SNX1: variants seen among roughly 807,000 people sequenced by gnomAD.
The protein encoded by SNX1 is sorting nexin 1, also known as sorting nexin-1.
A neutral mutation model predicts 71.8 loss-of-function variants in SNX1; 36 were observed. That is an observed-to-expected ratio of 0.50 (90% CI 0.38 to 0.66). The LOEUF is 0.66. SNX1 is among the 30% of genes least tolerant of loss of function. The pLI, the probability that SNX1 is intolerant of heterozygous loss-of-function variation, is 0.00. For synonymous variants in SNX1, 254 were observed against 240.7 expected (o/e 1.06, Z -0.51); for missense variants, 612 against 646.7 (o/e 0.95, Z 0.58).
At chr15:64,109,444 C>T (rs545523307) in intron 1 of SNX1, among the ~76,000 whole-genome samples, 1 of 152,254 alleles carries the variant, frequency 6.6e-6, no homozygotes, top group African/African-American at 2.4e-5. Context: ...TTCAAATGAC[C>T]AGCAAATGAA....
At chr15:64,126,246 T>C (rs754961262) in intron 6 of SNX1, 26 bp downstream of exon 6, 2 of 1,605,194 alleles carry the variant, frequency 1.2e-6, no homozygotes. Context: ...TTCATTCCAC[T>C]TGGATTGTTT....
chr15:64,104,809 C>T (rs529371380), intron 1 of SNX1, among the ~76,000 whole-genome samples: 2 of 151,246 alleles, frequency 1.3e-5, no homozygotes, highest in South Asian at 2.1e-4. Context: ...CACTTGAACC[C>T]GGGAGGCAGA....
intron 4 of SNX1, among the ~76,000 whole-genome samples, 155 bp downstream of exon 4, chr15:64,119,009 T>TTTTTTTTTTTTTTTTG (rs2081163273): frequency 6.6e-6 from 1 of 151,946 alleles, no homozygotes; most frequent in African/African-American, 2.4e-5. Context: ...GCTATGTTTC[T>TTTTTTTTTTTTTTTTG]AAGGCCAGAG....
chr15:64,103,594 G>C (rs1161985931), intron 1 of SNX1, among the ~76,000 whole-genome samples: 4 of 152,132 alleles, frequency 2.6e-5, no homozygotes, highest in Non-Finnish European at 2.9e-5. Flanking sequence ...CTATAAAACT[G>C]TTCAGGCTTG....
intron 10 of SNX1, 53 bp downstream of exon 10, chr15:64,130,374 A>C: frequency 2.9e-6 from 4 of 1,388,890 alleles, no homozygotes; most frequent in South Asian, 1.2e-5. Flanking sequence ...GTCTCTAGTG[A>C]ACTGGAGATG....
chr15:64,136,834 T>TG (rs765350705), intron 13 of SNX1, 27 bp from the exon 14 acceptor site: 2 of 1,585,902 alleles, frequency 1.3e-6, no homozygotes, highest in East Asian at 4.5e-5. Context: ...AAAAACTGGA[T>TG]GGTCAGTGTA....
chr15:64,126,424 G>A (rs1169158185), intron 6 of SNX1, among the ~76,000 whole-genome samples: 1 of 152,146 alleles, frequency 6.6e-6, no homozygotes, highest in Non-Finnish European at 1.5e-5. Flanking sequence ...GGAGCTCTGG[G>A]TTTAGCCTCC....
intron 7 of SNX1, 81 bp downstream of exon 7, chr15:64,127,333 C>A: frequency 9.3e-7 from 1 of 1,070,606 alleles, no homozygotes; most frequent in South Asian, 1.4e-5. Context: ...ACGAGACAGT[C>A]CATTGAGTTA....
At chr15:64,135,970 C>T (rs995232509) in intron 12 of SNX1, among the ~76,000 whole-genome samples, 6 of 152,046 alleles carry the variant, frequency 3.9e-5, no homozygotes, top group Non-Finnish European at 2.9e-5. Context: ...CTTTGAAAAG[C>T]TACCTAGCTG....
chr15:64,134,382 G>T lies in SNX1; in HGVS notation c.1222-282G>T. On this transcript the variant is annotated intron_variant, in intron 11 of 14. Coordinates refer to ENST00000559844, the MANE Select transcript of SNX1 (RefSeq NM_003099.5). This position sits in a 1 kb window ranked among gnomAD's most constrained non-coding sequence, Gnocchi z 4.1. ...GAGGGAGGCACTTCTGTAAGCCATA[G>T]TATTGGTCACTGGCATGAGGCCACC... The T allele has an allele frequency of 2.4e-6, 1 of 417,540 alleles. No homozygotes were observed. The highest frequency in any genetic ancestry group is 4.4e-6 in the Non-Finnish European group (1 of 229,618). 25.9% of individuals were successfully genotyped at this position (417,540 alleles called of 1,614,324 possible). A position where few individuals can be genotyped will look rare whatever the true frequency, so the allele number is the denominator to read the frequency against.
intron 1 of SNX1, among the ~76,000 whole-genome samples, chr15:64,107,522 G>A (rs1277381307): frequency 6.6e-6 from 1 of 152,208 alleles, no homozygotes; most frequent in Non-Finnish European, 1.5e-5. Flanking sequence ...GCTGGTAATT[G>A]TGGAGAAATA....
At chr15:64,101,098 G>A (rs1164448350) in intron 1 of SNX1, among the ~76,000 whole-genome samples, 1 of 152,144 alleles carries the variant, frequency 6.6e-6, no homozygotes, top group Non-Finnish European at 1.5e-5. Flanking sequence ...CACCACGCTT[G>A]GCCCAAAAAC....
intron 4 of SNX1, among the ~76,000 whole-genome samples, chr15:64,122,914 G>A (rs2081210146): frequency 1.3e-5 from 2 of 152,090 alleles, no homozygotes; most frequent in African/African-American, 4.8e-5. Flanking sequence ...AGATTTGTGT[G>A]ACATTAGGCA....
chr15:64,127,091 C>T, intron 6 of SNX1, 83 bp from the exon 7 acceptor site: 6 of 1,047,526 alleles, frequency 5.7e-6, no homozygotes, highest in South Asian at 4.2e-5. Flanking sequence ...ACTGCCTTTC[C>T]TCCTGTTGAC....
chr15:64,142,650 T>TAAGCC lies in SNX1; in HGVS notation c.*5036_*5040dup, dbSNP rs1376078439. ...GATAGGAATGTCATATTTACCTATT[T>TAAGCC]AAGCCAAGTTTTTTTAGATAAAAGG... is the stretch of plus-strand genomic sequence containing the variant. On this transcript the variant is annotated 3_prime_UTR_variant, in exon 15 of 15. Transcript: ENST00000559844. 6.6e-6 allele frequency: 3 copies of TAAGCC among 455,950 alleles called. No individual in the cohort carries two copies. The highest frequency in any genetic ancestry group is 1.3e-5 in the Non-Finnish European group (3 of 226,804). 28.2% of individuals were successfully genotyped at this position (455,950 alleles called of 1,614,324 possible). A position where few individuals can be genotyped will look rare whatever the true frequency, so the allele number is the denominator to read the frequency against.
At chr15:64,131,624 A>T in intron 10 of SNX1, 63 bp from the exon 11 acceptor site, 2 of 1,523,368 alleles carry the variant, frequency 1.3e-6, no homozygotes, top group Non-Finnish European at 1.8e-6. Context: ...ATGCAGTGTC[A>T]GCTGATTTGT....
intron 12 of SNX1, among the ~76,000 whole-genome samples, chr15:64,135,389 C>G (rs1186590074): frequency 6.7e-6 from 1 of 149,948 alleles, no homozygotes; most frequent in African/African-American, 2.4e-5. Context: ...CGTGAGCCAC[C>G]GCGCCCGGCC....
intron 1 of SNX1, among the ~76,000 whole-genome samples, chr15:64,096,463 G>A (rs1185182135): frequency 6.6e-6 from 1 of 152,198 alleles, no homozygotes; most frequent in African/African-American, 2.4e-5. Flanking sequence ...ACACTCCACG[G>A]ATCCACGGGG....
At chr15:64,118,377 C>A in intron 3 of SNX1, 133 bp downstream of exon 3, 1 of 987,604 alleles carries the variant, frequency 1.0e-6, no homozygotes, top group Non-Finnish European at 1.5e-6. Flanking sequence ...GGTTAATGGA[C>A]AGCCAGAATC....
Sources: gnomAD v4.1 joint callset for allele counts (sites outside exome capture counted in the v4.1 genomes callset) on GRCh38, gnomAD v4.1.1 for gene constraint, Gnocchi (gnomAD v3.1) non-coding constraint, MANE v1.5 for transcripts, NCBI Gene and HGNC (gene_info 2026-07-23, HGNC 2026-07-21) for gene names.